Variants in MAPK4 observed in about 807,000 individuals in gnomAD.
MAPK4 encodes mitogen-activated protein kinase 4, also known as Erk3-related.
A neutral mutation model predicts 47.7 loss-of-function variants in MAPK4; 22 were observed. The observed-to-expected ratio is 0.46, with a 90% CI of 0.33 to 0.66. The LOEUF (loss-of-function observed/expected upper bound fraction) is 0.66. MAPK4 is among the 30% of genes least tolerant of loss of function. The probability of loss-of-function intolerance (pLI) is 0.02; values close to 1 mark genes in which losing one functional copy is unlikely to be tolerated. For missense variants in MAPK4, 736 were observed against 831.7 expected, an observed-to-expected ratio of 0.88 and a Z score of 1.42; for synonymous variants, 390 against 365.7, an observed-to-expected ratio of 1.07 and a Z score of -0.76.
chr18:50,571,801 A>G (rs1568030823), intron 1 of MAPK4, among the ~76,000 whole-genome samples: 1 of 152,206 alleles, frequency 6.6e-6, no homozygotes, highest in Non-Finnish European at 1.5e-5. Flanking sequence ...GTTCAGACAA[A>G]GTTAGCTGAG....
chr18:50,570,453 A>G (rs2042239650), intron 1 of MAPK4, among the ~76,000 whole-genome samples: 1 of 152,224 alleles, frequency 6.6e-6, no homozygotes, highest in Non-Finnish European at 1.5e-5. Flanking sequence ...GTGTTGAGGC[A>G]GGAAGATGTT....
At chr18:50,623,566 C>T (rs2042750853) in intron 1 of MAPK4, among the ~76,000 whole-genome samples, 1 of 152,210 alleles carries the variant, frequency 6.6e-6, no homozygotes, top group South Asian at 2.1e-4. Context: ...CCATCCTTGA[C>T]ACTGAAGTCT....
At chr18:50,695,815 G>T (rs901544972) in intron 2 of MAPK4, among the ~76,000 whole-genome samples, 2 of 152,210 alleles carry the variant, frequency 1.3e-5, no homozygotes, top group Admixed American at 6.5e-5. Flanking sequence ...GCGAAAGGGA[G>T]GGCAGAGTGA....
intron 2 of MAPK4, among the ~76,000 whole-genome samples, chr18:50,671,839 A>G (rs1265279167): frequency 4.0e-5 from 6 of 150,538 alleles, no homozygotes; most frequent in Non-Finnish European, 8.9e-5. Flanking sequence ...GCAGTGAGCT[A>G]TGATTATACC....
At chr18:50,706,708 G>A (rs9948424) in intron 2 of MAPK4, among the ~76,000 whole-genome samples, 56,650 of 151,932 alleles carry the variant, frequency 0.37, 10,728 homozygotes, top group African/African-American at 0.43. Flanking sequence ...ACCCCAGGAT[G>A]CTAATGCCCC....
intron 1 of MAPK4, among the ~76,000 whole-genome samples, chr18:50,644,668 C>G (rs372366246): frequency 1.3e-5 from 2 of 152,174 alleles, no homozygotes; most frequent in African/African-American, 4.8e-5. Flanking sequence ...GATTTTCATT[C>G]CATAGAGATA....
At chr18:50,692,604 G>T (rs2144353557) in intron 2 of MAPK4, among the ~76,000 whole-genome samples, 1 of 152,320 alleles carries the variant, frequency 6.6e-6, no homozygotes, top group East Asian at 1.9e-4. Flanking sequence ...AGAATGCGAA[G>T]TGCTTAGCAT....
intron 2 of MAPK4, among the ~76,000 whole-genome samples, chr18:50,712,114 T>C (rs1387980202): frequency 6.6e-6 from 1 of 152,198 alleles, no homozygotes; most frequent in East Asian, 1.9e-4. Context: ...GCCTTGTGGC[T>C]TCTGAAACAT....
intron 1 of MAPK4, among the ~76,000 whole-genome samples, chr18:50,561,695 C>G (rs2042154881): frequency 6.6e-6 from 1 of 152,158 alleles, no homozygotes; most frequent in South Asian, 2.1e-4. Flanking sequence ...GCGTTTTAAC[C>G]TTTCCAAACC....
chr18:50,726,909 CA>C, intron 5 of MAPK4, among the ~76,000 whole-genome samples: 1 of 152,006 alleles, frequency 6.6e-6, no homozygotes, highest in Middle Eastern at 3.4e-3. Flanking sequence ...CCCATTGACA[CA>C]CAAGGAAGCT....
chr18:50,645,205 G>A (rs1268033148), intron 1 of MAPK4, among the ~76,000 whole-genome samples: 5 of 152,122 alleles, frequency 3.3e-5, no homozygotes, highest in African/African-American at 1.2e-4. Flanking sequence ...ATGCCAACGC[G>A]CCATCCATAG....
intron 1 of MAPK4, among the ~76,000 whole-genome samples, chr18:50,570,544 C>A (rs1451734248): frequency 6.6e-6 from 1 of 152,084 alleles, no homozygotes. Context: ...CAAACTGGAC[C>A]CCAAAATGTT....
intron 5 of MAPK4, among the ~76,000 whole-genome samples, chr18:50,727,698 C>T (rs1911276188): frequency 6.6e-6 from 1 of 152,076 alleles, no homozygotes; most frequent in Non-Finnish European, 1.5e-5. Flanking sequence ...GCCTGTCCAC[C>T]CTGACCACCC....
Position 50,573,479 on chromosome 18 carries a change from T to C in MAPK4, c.-871+13236T>C, listed in dbSNP as rs115549494. The stretch of plus-strand genomic sequence containing the variant: ...CACAAACCCTATTGTGAACTGCACA[T>C]GTGGGGGATCTAAGTTACATGCTCC... On this transcript the variant is annotated intron_variant, in intron 1 of 5. Coordinates refer to ENST00000400384, the MANE Select transcript of MAPK4 (RefSeq NM_002747.4). Among the ~76,000 whole-genome samples, 674 of 152,274 alleles carry C rather than the reference T, an allele frequency of 4.4e-3. 4 individuals carry two copies. The highest frequency in any genetic ancestry group is 0.015 in the African/African-American group (641 of 41,566).
intron 2 of MAPK4, among the ~76,000 whole-genome samples, chr18:50,690,656 A>G (rs1230894962): frequency 6.6e-6 from 1 of 152,218 alleles, no homozygotes; most frequent in African/African-American, 2.4e-5. Flanking sequence ...AAGAAAGTCT[A>G]TGTGTTTGTA....
chr18:50,675,002 GC>G (rs1384582568), intron 2 of MAPK4, among the ~76,000 whole-genome samples: 2 of 152,214 alleles, frequency 1.3e-5, no homozygotes, highest in East Asian at 3.9e-4. Flanking sequence ...TAGGCTAGAA[GC>G]CCCCCTATAC....
chr18:50,726,279 G>T, intron 5 of MAPK4, 104 bp downstream of exon 5: 1 of 1,114,150 alleles, frequency 9.0e-7, no homozygotes, highest in Non-Finnish European at 1.3e-6. Context: ...AAGTTGCATA[G>T]CTCATTGGAC....
chr18:50,603,649 G>A (rs1568041711), intron 1 of MAPK4, among the ~76,000 whole-genome samples: 1 of 151,924 alleles, frequency 6.6e-6, no homozygotes, highest in Non-Finnish European at 1.5e-5. Flanking sequence ...GGGCCTGTAT[G>A]TACAAACTAG....
intron 1 of MAPK4, among the ~76,000 whole-genome samples, chr18:50,654,423 G>A (rs997539540): frequency 5.9e-5 from 9 of 152,218 alleles, no homozygotes; most frequent in African/African-American, 1.9e-4. Context: ...GCTCAGATCC[G>A]GCTGGGATCA....
Sources: gnomAD v4.1 joint callset for allele counts (sites outside exome capture counted in the v4.1 genomes callset) on GRCh38, gnomAD v4.1.1 for gene constraint, MANE v1.5 for transcripts, NCBI Gene and HGNC (gene_info 2026-07-23, HGNC 2026-07-21) for gene names.